The following ATP1A4 variants were observed in gnomAD, a reference collection of about 807,000 sequenced individuals.
ATP1A4 encodes the protein ATPase Na+/K+ transporting subunit alpha 4, also known as sodium/potassium-transporting ATPase subunit alpha-4.
Under a neutral mutation model 114.3 loss-of-function variants are expected in ATP1A4, and 90 were observed. That is an observed-to-expected ratio of 0.79 (90% CI 0.66 to 0.94). The LOEUF (loss-of-function observed/expected upper bound fraction) is 0.94. ATP1A4 is among the 40% of genes least tolerant of loss of function. The pLI, the probability that ATP1A4 is intolerant of heterozygous loss-of-function variation, is 0.00. For synonymous variants in ATP1A4, 511 were observed against 494.1 expected (o/e 1.03, Z -0.45); for missense variants, 1,222 against 1,313.6 (o/e 0.93, Z 1.08).
At chr1:160,176,297 C>G (rs772364668) in intron 16 of ATP1A4, 51 bp downstream of exon 16, 2 of 1,608,734 alleles carry the variant, frequency 1.2e-6, no homozygotes, top group Non-Finnish European at 1.7e-6. Flanking sequence ...GCCTCCTAAG[C>G]TCCCTGCTTT....
chr1:160,175,647 C>T (rs1363155763), intron 15 of ATP1A4, among the ~76,000 whole-genome samples: 3 of 151,972 alleles, frequency 2.0e-5, no homozygotes, highest in Non-Finnish European at 2.9e-5. Context: ...CAGTCAGAGA[C>T]GGATGCAGCA....
In ATP1A4 at chr1:160,159,682, G is replaced by T. The variant is rs12401917; in HGVS notation, c.778+156G>T. On this transcript the variant is annotated intron_variant, in intron 6 of 21. Coordinates refer to ENST00000368081, the MANE Select transcript of ATP1A4 (RefSeq NM_144699.4). ...GTATGACCTCTGGTGAAAGGTCAAGGTCATCATTTCCACATTCGCACAGTG... is the reference window on the plus strand; with the variant it reads ...GTATGACCTCTGGTGAAAGGTCAAGTTCATCATTTCCACATTCGCACAGTG... Among the ~76,000 whole-genome samples, 962 of 152,308 alleles carry T rather than the reference G, an allele frequency of 6.3e-3. 24 individuals are homozygous for T. The East Asian group carries it at 0.092, about 15-fold the overall frequency.
intron 10 of ATP1A4, chr1:160,170,319 G>T: frequency 6.6e-6 from 1 of 152,330 alleles, no homozygotes; most frequent in Non-Finnish European, 1.5e-5. Flanking sequence ...CCAGCTACTC[G>T]GGAGGCTGAA....
chr1:160,182,054 G>A (rs749705333), intron 20 of ATP1A4, 23 bp downstream of exon 20: 1 of 1,589,716 alleles, frequency 6.3e-7, no homozygotes, highest in South Asian at 1.1e-5. Flanking sequence ...AGGGATGCAA[G>A]CAGGGGATGT....
Position 160,167,071 on chromosome 1 carries a change from TG to T in ATP1A4, c.1351del (p.Ala451LeufsTer28). 2 of 1,613,946 alleles carry T rather than the reference TG, an allele frequency of 1.2e-6. No individual in the cohort carries two copies. Among genetic ancestry groups the T allele is most frequent in the South Asian group, 2.2e-5 (2 of 91,068 alleles). Reference protein sequence around the residue: ...FKANQEILPIAKRATTGDASE... With the variant: ...FKANQEILPIXKRATTGDASE... ...AGGCTAATCAGGAGATCCTGCCCAT[TG>T]CTAAGGTGTCAGGCCCAAGGGGAAG... On this transcript the variant is annotated frameshift_variant, in exon 9 of 22. Transcript: ENST00000368081. LOFTEE classifies it high-confidence loss of function.
At position 160,173,715 on chromosome 1, in the gene ATP1A4, C is replaced by T. The variant is rs147256503; in HGVS notation, c.1989C>T (p.Ala663=). The change falls in exon 13 of 22, where the codon GCC becomes GCT. Residue 663 remains alanine, a splice_region_variant and synonymous_variant. Coordinates refer to ENST00000368081, the MANE Select transcript of ATP1A4 (RefSeq NM_144699.4). ...AGATCCCTATCAGCAAGGTCGATGC[C>T]AGGTGAGATCACTAAAGAACTCAAG... ...RLKIPISKVD[A]SAAKAIVVHG... is the part of the protein sequence containing the mutation. The T allele has an allele frequency of 3.7e-6, 6 of 1,614,006 alleles. No individual in the cohort carries two copies. Among genetic ancestry groups the T allele is most frequent in the Non-Finnish European group, 5.1e-6 (6 of 1,179,938 alleles).
chr1:160,177,748 G>C (rs1396186186), intron 18 of ATP1A4, 84 bp downstream of exon 18: 3 of 1,500,676 alleles, frequency 2.0e-6, no homozygotes, highest in African/African-American at 2.8e-5. Context: ...TTTTTTAAGA[G>C]AGAAGAAGGG....
intron 2 of ATP1A4, among the ~76,000 whole-genome samples, chr1:160,154,444 G>A (rs148525481): frequency 6.6e-6 from 1 of 152,218 alleles, no homozygotes; most frequent in African/African-American, 2.4e-5. Context: ...AGCATACAAT[G>A]TGTAATGATC....
intron 6 of ATP1A4, among the ~76,000 whole-genome samples, chr1:160,163,172 C>T (rs1165334555): frequency 1.3e-5 from 2 of 149,406 alleles, no homozygotes; most frequent in African/African-American, 5.0e-5. Flanking sequence ...CAAGAAACAG[C>T]TTTTTTTTTT....
intron 12 of ATP1A4, among the ~76,000 whole-genome samples, 164 bp from the exon 13 acceptor site, chr1:160,173,415 GAA>G (rs896140078): frequency 6.6e-6 from 1 of 152,218 alleles, no homozygotes; most frequent in African/African-American, 2.4e-5. Context: ...CCCAAGGGTT[GAA>G]ATCACAGTAG....
chr1:160,175,032 C>G (rs923061357), intron 15 of ATP1A4, among the ~76,000 whole-genome samples: 2 of 152,218 alleles, frequency 1.3e-5, no homozygotes, highest in Non-Finnish European at 2.9e-5. Context: ...TCATTGTCCT[C>G]TCACTGGACT....
In ATP1A4 at chr1:160,171,745, T is replaced by C. The variant is rs777959026; in HGVS notation, c.1842T>C (p.Ser614=). 1 of 1,614,060 alleles carries C rather than the reference T, an allele frequency of 6.2e-7. No individual in the cohort carries two copies. Among genetic ancestry groups the C allele is most frequent in the Admixed American group, 1.7e-5 (1 of 59,968 alleles). Residue 614 remains serine (S), a synonymous_variant, in exon 12 of 22, where the codon AGT becomes AGC. Coordinates refer to ENST00000368081, the MANE Select transcript of ATP1A4 (RefSeq NM_144699.4). ...CTGATGCTGTGAGCAAGTGTCGCAG[T>C]GCAGGAATTAAGGTAAATACTTGCC... is the stretch of plus-strand genomic sequence containing the variant. The part of the protein sequence containing the change: ...AVPDAVSKCR[S]AGIKVIMVTG...
At chr1:160,167,248 G>A (rs1217145726) in intron 9 of ATP1A4, 30 bp from the exon 10 acceptor site, 1 of 1,582,988 alleles carries the variant, frequency 6.3e-7, no homozygotes, top group South Asian at 1.2e-5. Context: ...CATGCCCCTG[G>A]GGCTTACTAT....
In ATP1A4 at chr1:160,178,542, G is replaced by A. The variant is rs202159025; in HGVS notation, c.2736+878G>A. The stretch of plus-strand genomic sequence containing the variant: ...ATACAAAAATAAGCTGGGTATGGTC[G>A]TGGGTGCCTGTAATCCCAGCTACTC... On this transcript the variant is annotated intron_variant, in intron 18 of 21. Transcript: ENST00000368081. 3.0e-4 allele frequency among the ~76,000 whole-genome samples: 46 copies of A among 152,068 alleles called. No homozygotes were observed. The East Asian group carries it at 7.2e-3, about 24-fold the overall frequency.
In ATP1A4 at chr1:160,186,734, G is replaced by T. The variant is rs370385068; in HGVS notation, c.*35G>T. The T allele has an allele frequency of 1.2e-6, 2 of 1,603,578 alleles. No homozygotes were observed. The highest frequency in any genetic ancestry group is 1.1e-5 in the South Asian group (1 of 89,138). The stretch of plus-strand genomic sequence containing the variant: ...ATGAAGAGCTTCATGTGACACAGGG[G>T]TGTTGTGAGAGCTGGGATGGGGCCA... On this transcript the variant is annotated 3_prime_UTR_variant, in exon 22 of 22. Coordinates refer to ENST00000368081, the MANE Select transcript of ATP1A4 (RefSeq NM_144699.4).
At chr1:160,175,973 C>A in intron 15 of ATP1A4, 119 bp from the exon 16 acceptor site, 1 of 1,022,544 alleles carries the variant, frequency 9.8e-7, no homozygotes, top group South Asian at 1.5e-5. Flanking sequence ...AGGTCTAGGA[C>A]CTCCAGACCC....
intron 6 of ATP1A4, 92 bp downstream of exon 6, chr1:160,159,618 T>C (rs1558018280): frequency 8.8e-7 from 1 of 1,138,922 alleles, no homozygotes; most frequent in Non-Finnish European, 1.3e-6. Context: ...GCGAGGTAGG[T>C]AAGAGCCAGT....
intron 6 of ATP1A4, 116 bp downstream of exon 6, chr1:160,159,642 T>G (rs1300854518): frequency 1.2e-6 from 1 of 853,458 alleles, no homozygotes; most frequent in Non-Finnish European, 1.8e-6. Flanking sequence ...AAGTCGAGCT[T>G]CTCCATCACG....
At chr1:160,186,100 A>AAAAAAAAAAAAAAAAAAAAAAAAG in intron 20 of ATP1A4, among the ~76,000 whole-genome samples, 176 bp from the exon 21 acceptor site, 1 of 148,960 alleles carries the variant, frequency 6.7e-6, no homozygotes, top group Admixed American at 6.7e-5. Flanking sequence ...AAAAAAAAAA[A>AAAAAAAAAAAAAAAAAAAAAAAAG]AAAAAAAAGG....
Sources: gnomAD v4.1 joint callset for allele counts (sites outside exome capture counted in the v4.1 genomes callset) on GRCh38, gnomAD v4.1.1 for gene constraint, MANE v1.5 for transcripts, NCBI Gene and HGNC (gene_info 2026-07-23, HGNC 2026-07-21) for gene names.